Variants in TRMT1L observed in about 807,000 individuals in gnomAD.
The protein encoded by TRMT1L is tRNA (guanine(27)-N(2))-dimethyltransferase.
A neutral mutation model predicts 81.6 loss-of-function variants in TRMT1L; 28 were observed. The observed-to-expected ratio is 0.34, with a 90% CI of 0.25 to 0.47. TRMT1L has a LOEUF of 0.47. Ranked by LOEUF, TRMT1L falls within the 20% of genes least tolerant of loss-of-function variation. The pLI is 1.00. For missense variants in TRMT1L, 739 were observed against 877.1 expected (o/e 0.84, Z 1.99); for synonymous variants, 301 against 303.2 (o/e 0.99, Z 0.07).
At chr1:185,141,411 A>G (rs943244774) in intron 7 of TRMT1L, among the ~76,000 whole-genome samples, 1 of 152,172 alleles carries the variant, frequency 6.6e-6, no homozygotes, top group African/African-American at 2.4e-5. Context: ...AGATTTAAAA[A>G]AGAGTTAAGA....
chr1:185,120,639 A>G, intron 13 of TRMT1L, 130 bp from the exon 14 acceptor site: 1 of 828,058 alleles, frequency 1.2e-6, no homozygotes. Context: ...CTTAATTCTT[A>G]TAATTTATTC....
intron 7 of TRMT1L, among the ~76,000 whole-genome samples, chr1:185,141,623 G>C (rs1232304931): frequency 2.6e-5 from 4 of 152,154 alleles, no homozygotes; most frequent in Non-Finnish European, 5.9e-5. Context: ...AGAATTGCTT[G>C]AACCCAGGAG....
rs1324033325 is a variant in TRMT1L at position 185,118,424 on chromosome 1, T to G, written c.*1595A>C. 2 of 152,200 alleles carry G rather than the reference T, an allele frequency of 1.3e-5. No individual in the cohort carries two copies. Among genetic ancestry groups the G allele is most frequent in the Admixed American group, 1.3e-4 (2 of 15,274 alleles). 9.4% of individuals were successfully genotyped at this position (152,200 alleles called of 1,614,324 possible). On this transcript the variant is annotated 3_prime_UTR_variant, in exon 15 of 15. Coordinates refer to ENST00000367506, the MANE Select transcript of TRMT1L (RefSeq NM_030934.5). ...GCCCAACTCATCACTGATCAACATA[T>G]TTCATGCTGATAAGCATTTAGCAAA...
At chr1:185,131,971 T>A (rs1571346083) in intron 10 of TRMT1L, among the ~76,000 whole-genome samples, 1 of 151,430 alleles carries the variant, frequency 6.6e-6, no homozygotes, top group Non-Finnish European at 1.5e-5. Context: ...TGAAACCCTG[T>A]CTCTACTAAA....
intron 3 of TRMT1L, among the ~76,000 whole-genome samples, chr1:185,149,460 G>A (rs1033944668): frequency 4.0e-5 from 6 of 151,840 alleles, no homozygotes; most frequent in Middle Eastern, 3.4e-3. Flanking sequence ...AGGCCACCTC[G>A]CCTGGCTAAT....
At chr1:185,139,013 C>T (rs1281143481) in intron 9 of TRMT1L, among the ~76,000 whole-genome samples, 1 of 152,118 alleles carries the variant, frequency 6.6e-6, no homozygotes, top group Non-Finnish European at 1.5e-5. Flanking sequence ...CTTGTTTCAT[C>T]CTGGGCAACA....
intron 2 of TRMT1L, among the ~76,000 whole-genome samples, chr1:185,151,303 T>C (rs1306326882): frequency 6.6e-6 from 1 of 152,174 alleles, no homozygotes; most frequent in African/African-American, 2.4e-5. Context: ...CCAACAAATA[T>C]CTTTCACATA....
At chr1:185,140,294 A>T (rs1653003783) in intron 7 of TRMT1L, 72 bp from the exon 8 acceptor site, 6 of 1,184,174 alleles carry the variant, frequency 5.1e-6, no homozygotes, top group Non-Finnish European at 5.8e-6. Flanking sequence ...GTATAACAAC[A>T]TTCAGTTTTA....
Position 185,120,195 on chromosome 1 carries a change from G to A in TRMT1L, c.2026C>T (p.Arg676Cys). 8 of 1,612,884 alleles carry A rather than the reference G, an allele frequency of 5.0e-6. No homozygotes were observed. Among genetic ancestry groups the A allele is most frequent in the East Asian group, 2.2e-5 (1 of 44,862 alleles). Residue 676 changes from arginine (R) to cysteine (C), a missense_variant, in exon 15 of 15, where the codon CGC becomes TGC. This residue lies in a region of TRMT1L where 196 missense variants were observed against 232.6 expected (regional missense o/e 0.84). Transcript: ENST00000367506. ...SRTHFDPMGV[R>C]TDAPLMQFKS... is the part of the protein sequence containing the mutation. ...AACTGCATCAGAGGTGCATCTGTGC[G>A]TACACCCATTGGGTCAAAATGAGTT...
rs1433546583 is a variant in TRMT1L, at chr1:185,125,024, A to G, written c.1679T>C (p.Ile560Thr). The G allele has an allele frequency of 1.2e-6, 2 of 1,613,456 alleles. No homozygotes were observed. The highest frequency in any genetic ancestry group is 2.7e-5 in the African/African-American group (2 of 75,040). The change falls in exon 12 of 15, where the codon ATA becomes ACA. Residue 560 changes from isoleucine (I) to threonine (T), a missense_variant. Around this residue, in one of 4 missense-constraint regions of TRMT1L, gnomAD observed 196 missense variants for 232.6 expected, o/e 0.84. Transcript: ENST00000367506. ...CTCTGATTCAAAGATTAATGTCTTTATTAGGGTCTGAATGTCATCCAAACC... is the reference window on the plus strand; with the variant it reads ...CTCTGATTCAAAGATTAATGTCTTTGTTAGGGTCTGAATGTCATCCAAACC... Reference protein sequence around the residue: ...HHGLDDIQTLIKTLIFESECT... With the variant: ...HHGLDDIQTLTKTLIFESECT...
intron 1 of TRMT1L, among the ~76,000 whole-genome samples, chr1:185,155,594 A>G (rs1653499300): frequency 6.6e-6 from 1 of 152,232 alleles, no homozygotes; most frequent in African/African-American, 2.4e-5. Flanking sequence ...ATAATGAATT[A>G]AAGATTATTT....
chr1:185,118,503 A>G lies in TRMT1L; in HGVS notation c.*1516T>C, dbSNP rs1334983065. 5 of 152,164 alleles carry G rather than the reference A, an allele frequency of 3.3e-5. No homozygotes were observed. Among genetic ancestry groups the G allele is most frequent in the African/African-American group, 1.2e-4 (5 of 41,446 alleles). 9.4% of individuals were successfully genotyped at this position (152,164 alleles called of 1,614,324 possible). A position where few individuals can be genotyped will look rare whatever the true frequency, so the allele number is the denominator to read the frequency against. Reference sequence around the variant, plus strand: ...TTAAATCAGATAATCTGAGTGCTAAAATAGTTTGCCTCCTGGATTTATAGT... The same window carrying G: ...TTAAATCAGATAATCTGAGTGCTAAGATAGTTTGCCTCCTGGATTTATAGT... On this transcript the variant is annotated 3_prime_UTR_variant, in exon 15 of 15. Transcript: ENST00000367506.
intron 13 of TRMT1L, among the ~76,000 whole-genome samples, chr1:185,122,023 A>G (rs1479420054): frequency 6.6e-6 from 1 of 152,042 alleles, no homozygotes; most frequent in East Asian, 1.9e-4. Context: ...CCCACTTGTA[A>G]GTTAGAACAT....
chr1:185,155,327 A>C (rs915217730), intron 1 of TRMT1L, among the ~76,000 whole-genome samples: 16 of 152,150 alleles, frequency 1.1e-4, no homozygotes, highest in African/African-American at 3.9e-4. Context: ...GAACCCTCTC[A>C]GCTCCCCATG....
chr1:185,118,877 C>G lies in TRMT1L; in HGVS notation c.*1142G>C, dbSNP rs1057371318. ...TTTCAGTTATAATTATTACCACCCC[C>G]TCCACCCCCTTCCCCCCACTTAATG... On this transcript the variant is annotated 3_prime_UTR_variant, in exon 15 of 15. Transcript: ENST00000367506. 2 of 151,746 alleles carry G rather than the reference C, an allele frequency of 1.3e-5. No homozygotes were observed. The highest frequency in any genetic ancestry group is 2.9e-5 in the Non-Finnish European group (2 of 67,922). The allele number at this position is 151,746 out of a possible 1,614,324, so 9.4% of individuals were successfully genotyped here.
intron 2 of TRMT1L, among the ~76,000 whole-genome samples, chr1:185,150,956 G>C (rs537727662): frequency 6.6e-6 from 1 of 152,314 alleles, no homozygotes; most frequent in Admixed American, 6.5e-5. Context: ...AAAAATGGAA[G>C]AAGGAAGTGG....
rs143021633 is a variant in TRMT1L, at chr1:185,140,169, T to C, written c.913A>G (p.Ile305Val). The C allele has an allele frequency of 6.8e-6, 11 of 1,613,698 alleles. No individual in the cohort carries two copies. In the African/African-American group the frequency reaches 1.2e-4, roughly 18 times the overall value. Residue 305 changes from isoleucine to valine, a missense_variant, in exon 8 of 15, where the codon ATC (isoleucine) becomes GTC (valine). Ile to Val is a conservative substitution (Grantham distance 29). Transcript: ENST00000367506. ...ACAGAATTTTCATTCAAGTCATTGA[T>C]TGTAACTTTGACTGCATTTCCAAGA... is the stretch of plus-strand genomic sequence containing the variant. Reference protein sequence around the residue: ...KHLGNAVKVTINDLNENSVTL... With the variant: ...KHLGNAVKVTVNDLNENSVTL...
intron 10 of TRMT1L, among the ~76,000 whole-genome samples, chr1:185,131,853 C>CCTTG (rs752000994): frequency 5.9e-5 from 9 of 151,986 alleles, no homozygotes; most frequent in Non-Finnish European, 1.2e-4. Context: ...AATAACATCC[C>CCTTG]CCAAGGGCCA....
intron 3 of TRMT1L, among the ~76,000 whole-genome samples, chr1:185,148,127 T>C (rs1470896025): frequency 1.3e-5 from 2 of 152,212 alleles, no homozygotes; most frequent in East Asian, 3.8e-4. Context: ...TTTCCATCAA[T>C]ATGTATTCTT....
Sources: allele counts gnomAD v4.1 joint callset (sites outside exome capture counted in the v4.1 genomes callset), GRCh38; gene constraint gnomAD v4.1.1; regional missense constraint gnomAD v4.1.1; transcripts MANE v1.5; gene names NCBI Gene and HGNC (gene_info 2026-07-23, HGNC 2026-07-21).